SPATA17: variants seen among roughly 807,000 people sequenced by gnomAD.
SPATA17 encodes the protein spermatogenesis-associated protein 17.
In SPATA17, 53 loss-of-function variants were observed where a neutral mutation model predicts 62.2. The ratio of observed to expected loss-of-function variants is 0.85; its 90% confidence interval spans 0.68 to 1.07. SPATA17 has a LOEUF of 1.07. Among genes scored for constraint, SPATA17 ranks in the 50% least tolerant of loss-of-function variants. The probability of loss-of-function intolerance (pLI) is 0.00; values close to 1 mark genes in which losing one functional copy is unlikely to be tolerated. For synonymous variants in SPATA17, 146 were observed against 146.8 expected, an observed-to-expected ratio of 0.99 and a Z score of 0.04; for missense variants, 466 against 425.5, an observed-to-expected ratio of 1.10 and a Z score of -0.84.
chr1:217,747,352 T>C (rs1672785825), intron 6 of SPATA17, among the ~76,000 whole-genome samples: 1 of 152,124 alleles, frequency 6.6e-6, no homozygotes, highest in South Asian at 2.1e-4. Flanking sequence ...TAATAAATTA[T>C]GTTGTCTGCT....
intron 9 of SPATA17, among the ~76,000 whole-genome samples, chr1:217,840,485 C>T (rs1422474371): frequency 6.6e-6 from 1 of 152,060 alleles, no homozygotes; most frequent in Non-Finnish European, 1.5e-5. Context: ...GCCTATTAAC[C>T]ATTACACTAT....
intron 5 of SPATA17, among the ~76,000 whole-genome samples, chr1:217,730,687 C>A (rs578098933): frequency 6.6e-6 from 1 of 152,210 alleles, no homozygotes; most frequent in African/African-American, 2.4e-5. Context: ...ATGGACTTAG[C>A]CTTACGGTTG....
intron 9 of SPATA17, among the ~76,000 whole-genome samples, chr1:217,806,236 G>A (rs1674433197): frequency 6.6e-6 from 1 of 152,192 alleles, no homozygotes; most frequent in Non-Finnish European, 1.5e-5. Context: ...CTCTGGGATG[G>A]CAGGGTCACC....
intron 5 of SPATA17, among the ~76,000 whole-genome samples, chr1:217,731,943 G>A (rs981758417): frequency 1.8e-4 from 28 of 152,072 alleles, no homozygotes; most frequent in Non-Finnish European, 3.5e-4. Flanking sequence ...AATTGATAAA[G>A]AATCATTTAT....
intron 6 of SPATA17, among the ~76,000 whole-genome samples, chr1:217,754,707 C>T (rs1464767303): frequency 1.3e-5 from 2 of 152,136 alleles, no homozygotes; most frequent in African/African-American, 2.4e-5. Flanking sequence ...TGAAAAACTT[C>T]ATAATCTTTC....
At chr1:217,831,234 C>T (rs61827067) in intron 9 of SPATA17, among the ~76,000 whole-genome samples, 4,908 of 152,214 alleles carry the variant, frequency 0.032, 112 homozygotes, top group Middle Eastern at 0.065. Flanking sequence ...CATTGTGTTA[C>T]AAATGTCTTA....
intron 8 of SPATA17, among the ~76,000 whole-genome samples, chr1:217,795,581 G>A (rs1369587955): frequency 3.3e-5 from 5 of 151,810 alleles, no homozygotes; most frequent in Admixed American, 1.3e-4. Context: ...TGTTGGCCAG[G>A]CTGGTCTTGC....
chr1:217,864,072 T>C (rs563577515), intron 10 of SPATA17, among the ~76,000 whole-genome samples: 2 of 152,334 alleles, frequency 1.3e-5, no homozygotes, highest in South Asian at 4.1e-4. Context: ...AAGGAATACA[T>C]GAGGGGAAAT....
At chr1:217,714,745 A>C (rs910698892) in intron 5 of SPATA17, among the ~76,000 whole-genome samples, 14 of 151,956 alleles carry the variant, frequency 9.2e-5, no homozygotes, top group Non-Finnish European at 1.8e-4. Flanking sequence ...TCGGCCTCCC[A>C]AAGTGCTGGG....
intron 6 of SPATA17, among the ~76,000 whole-genome samples, chr1:217,761,796 C>A (rs1347783304): frequency 6.6e-6 from 1 of 151,894 alleles, no homozygotes; most frequent in African/African-American, 2.4e-5. Flanking sequence ...GGAAGATGTC[C>A]CAGAAAGTTC....
intron 1 of SPATA17, among the ~76,000 whole-genome samples, chr1:217,643,516 C>G (rs896784977): frequency 6.6e-5 from 10 of 152,080 alleles, no homozygotes; most frequent in African/African-American, 2.4e-4. Flanking sequence ...CAGGCAGCCC[C>G]CACTTGAGGA....
chr1:217,655,591 G>A (rs1049454340), intron 3 of SPATA17, among the ~76,000 whole-genome samples: 2 of 152,092 alleles, frequency 1.3e-5, no homozygotes, highest in Non-Finnish European at 2.9e-5. Context: ...CTTCAACAGT[G>A]ATTTTCTAAT....
intron 4 of SPATA17, among the ~76,000 whole-genome samples, chr1:217,669,361 T>C (rs530414407): frequency 2.0e-4 from 30 of 152,298 alleles, no homozygotes; most frequent in South Asian, 1.9e-3. Context: ...AATGAAGCAA[T>C]GTATTAGTTT....
At chr1:217,851,161 A>G (rs11589916) in intron 9 of SPATA17, among the ~76,000 whole-genome samples, 17,166 of 152,164 alleles carry the variant, frequency 0.11, 1,088 homozygotes, top group Non-Finnish European at 0.14. Context: ...TGTCAGCAGC[A>G]ATCAGTTTAT....
chr1:217,853,635 G>A (rs12408660), intron 9 of SPATA17, among the ~76,000 whole-genome samples: 7,068 of 152,190 alleles, frequency 0.046, 536 homozygotes, highest in African/African-American at 0.16. Flanking sequence ...CTGAATTGGT[G>A]AATAACGAAC....
At chr1:217,854,621 T>C (rs1034094507) in intron 9 of SPATA17, among the ~76,000 whole-genome samples, 4 of 152,196 alleles carry the variant, frequency 2.6e-5, no homozygotes, top group Non-Finnish European at 5.9e-5. Flanking sequence ...TCTTCCCTGA[T>C]TTCTATCATT....
chr1:217,643,864 G>T (rs1365107588), intron 1 of SPATA17, among the ~76,000 whole-genome samples: 2 of 151,928 alleles, frequency 1.3e-5, no homozygotes, highest in Admixed American at 6.6e-5. Context: ...AAGTAGCTGG[G>T]ATTACAGGCA....
At chr1:217,837,919 T>G (rs1571836447) in intron 9 of SPATA17, among the ~76,000 whole-genome samples, 1 of 152,126 alleles carries the variant, frequency 6.6e-6, no homozygotes, top group African/African-American at 2.4e-5. Flanking sequence ...TCTAAACACA[T>G]TCTGTGTGGT....
intron 4 of SPATA17, among the ~76,000 whole-genome samples, chr1:217,674,061 A>G (rs1356028337): frequency 1.3e-5 from 2 of 152,168 alleles, no homozygotes; most frequent in Admixed American, 1.3e-4. Flanking sequence ...CCAAGATTAC[A>G]TACATTCAGC....
Sources: allele counts gnomAD v4.1 joint callset (sites outside exome capture counted in the v4.1 genomes callset), GRCh38; gene constraint gnomAD v4.1.1; transcripts MANE v1.5; gene names NCBI Gene and HGNC (gene_info 2026-07-23, HGNC 2026-07-21).